FAM193A: variants seen among roughly 807,000 people sequenced by gnomAD.
FAM193A encodes the protein family with sequence similarity 193 member A, also known as protein FAM193A.
Under a neutral mutation model 126.5 loss-of-function variants are expected in FAM193A, and 22 were observed. That is an observed-to-expected ratio of 0.17 (90% CI 0.12 to 0.25). FAM193A has a LOEUF of 0.25. FAM193A is among the 10% of genes least tolerant of loss of function. The pLI, the probability that FAM193A is intolerant of heterozygous loss-of-function variation, is 1.00. For missense variants in FAM193A, 1,675 were observed against 1,672.8 expected, an observed-to-expected ratio of 1.00 and a Z score of -0.02; for synonymous variants, 761 against 646.8, an observed-to-expected ratio of 1.18 and a Z score of -2.68.
In FAM193A at chr4:2,590,496, C is replaced by CA. The variant is rs780957903; in HGVS notation, c.256-5579dup. ...AAAAACAAAAAAAAACAAAAAAAAA[C>CA]AAAAAAAAACAAAAAAAAAACAAAA... is the stretch of plus-strand genomic sequence containing the variant. On this transcript the variant is annotated intron_variant, in intron 1 of 20. Transcript: ENST00000637812. Among the ~76,000 whole-genome samples the CA allele has an allele frequency of 4.1e-4, 19 of 45,798 alleles. 2 individuals carry two copies. Among genetic ancestry groups the CA allele is most frequent in the East Asian group, 1.2e-3 (2 of 1,640 alleles). The allele number at this position is 45,798 out of a possible 152,430, so 30.0% of individuals were successfully genotyped here.
intron 1 of FAM193A, among the ~76,000 whole-genome samples, chr4:2,539,488 A>G (rs148146589): frequency 2.8e-3 from 429 of 152,006 alleles, no homozygotes; most frequent in African/African-American, 7.9e-3. Flanking sequence ...TTGCCTGGTC[A>G]TAGCTCACTG....
At chr4:2,706,795 A>G (rs1718360291) in intron 19 of FAM193A, among the ~76,000 whole-genome samples, 1 of 151,298 alleles carries the variant, frequency 6.6e-6, no homozygotes, top group Non-Finnish European at 1.5e-5. Flanking sequence ...TTGTAGTTCT[A>G]TATGAACTTT....
At chr4:2,613,061 C>G (rs1275876720) in intron 2 of FAM193A, among the ~76,000 whole-genome samples, 1 of 152,124 alleles carries the variant, frequency 6.6e-6, no homozygotes, top group African/African-American at 2.4e-5. Context: ...TATGGTATAA[C>G]TCTTCATTTA....
intron 1 of FAM193A, among the ~76,000 whole-genome samples, chr4:2,569,304 G>A (rs1396867558): frequency 6.6e-6 from 1 of 151,990 alleles, no homozygotes; most frequent in Admixed American, 6.6e-5. Context: ...GGAAACCCAC[G>A]TGAGGGGTTG....
intron 13 of FAM193A, 99 bp downstream of exon 13, chr4:2,672,471 A>AG: frequency 4.5e-6 from 6 of 1,321,016 alleles, no homozygotes; most frequent in Non-Finnish European, 6.3e-6. Flanking sequence ...CAACTTGCAT[A>AG]GGATAGCATC....
At chr4:2,563,185 C>T (rs1032059629) in intron 1 of FAM193A, among the ~76,000 whole-genome samples, 17 of 148,782 alleles carry the variant, frequency 1.1e-4, no homozygotes, top group African/African-American at 3.7e-4. Context: ...CCTCGTGATC[C>T]GCCTGCCTCT....
At chr4:2,542,213 A>C (rs1472783664) in intron 1 of FAM193A, among the ~76,000 whole-genome samples, 41 of 151,862 alleles carry the variant, frequency 2.7e-4, no homozygotes, top group Non-Finnish European at 2.9e-5. Flanking sequence ...ACGGGGCTTC[A>C]CCATGTTGGT....
chr4:2,690,561 G>C, intron 14 of FAM193A, 137 bp from the exon 15 acceptor site: 1 of 743,268 alleles, frequency 1.3e-6, no homozygotes. Context: ...AAAGCTAGTT[G>C]ACTTAGTGTC....
chr4:2,702,804 C>G lies in FAM193A; in HGVS notation c.4372+2260C>G, dbSNP rs185794868. The stretch of plus-strand genomic sequence containing the variant: ...TCCGGGCATGCTTTCGGTATTTGTT[C>G]AGTTCTTTTTGTCTTTAGCCTCAGG... On this transcript the variant is annotated intron_variant, in intron 19 of 20. Coordinates refer to ENST00000637812, the MANE Select transcript of FAM193A (RefSeq NM_001366318.2). 7.2e-5 allele frequency among the ~76,000 whole-genome samples: 11 copies of G among 152,288 alleles called. No homozygotes were observed. The East Asian group carries it at 2.1e-3, about 29-fold the overall frequency.
At position 2,699,915 on chromosome 4, in the gene FAM193A, C is replaced by T. The variant is rs780809329; in HGVS notation, c.3743C>T (p.Ala1248Val). 1 of 1,614,062 alleles carries T rather than the reference C, an allele frequency of 6.2e-7. No individual in the cohort carries two copies. Among genetic ancestry groups the T allele is most frequent in the Non-Finnish European group, 8.5e-7 (1 of 1,180,000 alleles). Residue 1248 changes from alanine (A) to valine (V), a missense_variant, in exon 19 of 21, where the codon GCA becomes GTA. This residue lies in a region of FAM193A where 415 missense variants were observed against 396.7 expected (regional missense o/e 1.05). Coordinates refer to ENST00000637812, the MANE Select transcript of FAM193A (RefSeq NM_001366318.2). ...KLDMLTRNFQ[A>V]ATESVPNSGN... is the part of the protein sequence containing the mutation. ...GACATGCTCACTAGAAATTTCCAGG[C>T]AGCAACAGAGTCTGTTCCTAACTCT...
intron 20 of FAM193A, among the ~76,000 whole-genome samples, chr4:2,726,778 CAAA>C (rs71589604): frequency 1.9e-3 from 86 of 44,944 alleles, no homozygotes; most frequent in African/African-American, 6.2e-3. Flanking sequence ...CTAAAAATAC[CAAA>C]AAAAAAAAAA....
intron 2 of FAM193A, among the ~76,000 whole-genome samples, chr4:2,616,439 G>A (rs984040129): frequency 3.3e-5 from 5 of 151,862 alleles, no homozygotes; most frequent in African/African-American, 1.2e-4. Flanking sequence ...GCTAATAATT[G>A]TAGTATTTAC....
At position 2,564,832 on chromosome 4, in the gene FAM193A, A is replaced by G. The variant is rs550757014; in HGVS notation, c.255+27662A>G. Among the ~76,000 whole-genome samples, 3 of 151,566 alleles carry G rather than the reference A, an allele frequency of 2.0e-5. No individual in the cohort carries two copies. In the East Asian group the frequency reaches 5.8e-4, roughly 29 times the overall value. ...CTTGTTTTTTATTTTTGAGATAGGG[A>G]CTCACTCTTGTCGCCCAGGTTGGAG... On this transcript the variant is annotated intron_variant, in intron 1 of 20. Coordinates refer to ENST00000637812, the MANE Select transcript of FAM193A (RefSeq NM_001366318.2).
At chr4:2,577,222 A>G (rs1170329155) in intron 1 of FAM193A, among the ~76,000 whole-genome samples, 1 of 152,024 alleles carries the variant, frequency 6.6e-6, no homozygotes, top group Non-Finnish European at 1.5e-5. Context: ...CTTATAAGAT[A>G]TTTTTGGTGT....
intron 1 of FAM193A, among the ~76,000 whole-genome samples, chr4:2,580,684 A>G (rs189188741): frequency 2.0e-5 from 3 of 151,986 alleles, no homozygotes; most frequent in Non-Finnish European, 4.4e-5. Flanking sequence ...CTGGCTCCTC[A>G]CTCTCTTGCC....
At chr4:2,649,525 A>G (rs536558072) in intron 7 of FAM193A, among the ~76,000 whole-genome samples, 1 of 151,956 alleles carries the variant, frequency 6.6e-6, no homozygotes, top group East Asian at 1.9e-4. Context: ...TACAAAAATT[A>G]GCCTGCCATG....
chr4:2,685,391 A>G (rs1172712793), intron 13 of FAM193A, among the ~76,000 whole-genome samples: 1 of 152,242 alleles, frequency 6.6e-6, no homozygotes, highest in African/African-American at 2.4e-5. Context: ...GTATAAGTGC[A>G]GATTTAGATT....
At chr4:2,709,338 G>A (rs1315762067) in intron 19 of FAM193A, among the ~76,000 whole-genome samples, 1 of 152,132 alleles carries the variant, frequency 6.6e-6, no homozygotes, top group South Asian at 2.1e-4. Context: ...TAGGAGAGAT[G>A]GGTCTGTGAC....
chr4:2,628,222 C>G (rs1213323400), intron 4 of FAM193A, among the ~76,000 whole-genome samples: 3 of 151,916 alleles, frequency 2.0e-5, no homozygotes, highest in African/African-American at 7.2e-5. Context: ...GCAGTAGATT[C>G]TTTCCTGGAG....
Sources: gnomAD v4.1 joint callset for allele counts (sites outside exome capture counted in the v4.1 genomes callset) on GRCh38, gnomAD v4.1.1 for gene constraint, gnomAD v4.1.1 regional missense constraint, MANE v1.5 for transcripts, NCBI Gene and HGNC (gene_info 2026-07-23, HGNC 2026-07-21) for gene names.